The following IGF2BP3 variants were observed in gnomAD, a reference collection of about 807,000 sequenced individuals.
The protein encoded by IGF2BP3 is insulin like growth factor 2 mRNA binding protein 3, also known as insulin-like growth factor 2 mRNA-binding protein 3.
A neutral mutation model predicts 73.8 loss-of-function variants in IGF2BP3; 9 were observed. The observed-to-expected ratio is 0.12, with a 90% CI of 0.07 to 0.21. The LOEUF (loss-of-function observed/expected upper bound fraction) is 0.21. Ranked by LOEUF, IGF2BP3 falls within the 10% of genes least tolerant of loss-of-function variation. The pLI, the probability that IGF2BP3 is intolerant of heterozygous loss-of-function variation, is 1.00. For synonymous variants in IGF2BP3, 258 were observed against 256.7 expected (o/e 1.01, Z -0.05); for missense variants, 542 against 714.0 (o/e 0.76, Z 2.75).
At chr7:23,464,338 T>C (rs1788514864) in intron 2 of IGF2BP3, among the ~76,000 whole-genome samples, 1 of 152,260 alleles carries the variant, frequency 6.6e-6, no homozygotes, top group African/African-American at 2.4e-5. Context: ...CTTTCTTTTT[T>C]GCATTTTCCC....
chr7:23,372,688 C>T (rs1281174984), intron 3 of IGF2BP3, among the ~76,000 whole-genome samples: 1 of 152,214 alleles, frequency 6.6e-6, no homozygotes. Context: ...AGATCCCTAA[C>T]AAGTGCCCTG....
At chr7:23,378,660 G>A (rs186055885) in intron 3 of IGF2BP3, among the ~76,000 whole-genome samples, 13 of 134,178 alleles carry the variant, frequency 9.7e-5, no homozygotes, top group East Asian at 7.3e-4. Context: ...TGCCACCTCC[G>A]CCTCCCAGGT....
intron 2 of IGF2BP3, among the ~76,000 whole-genome samples, chr7:23,419,057 C>G (rs1009677234): frequency 3.3e-5 from 5 of 152,124 alleles, no homozygotes; most frequent in Non-Finnish European, 7.4e-5. Flanking sequence ...ATTTTAAAAG[C>G]CACTAAAATT....
At position 23,343,747 on chromosome 7, in the gene IGF2BP3, A is replaced by T; in HGVS notation, c.1048T>A (p.Ser350Thr). The T allele has an allele frequency of 6.2e-7, 1 of 1,612,040 alleles. No homozygotes were observed. The highest frequency in any genetic ancestry group is 8.5e-7 in the Non-Finnish European group (1 of 1,179,462). The change falls in exon 9 of 15, where the codon TCT becomes ACT. Residue 350 changes from serine to threonine, a missense_variant. Around this residue, in one of 2 missense-constraint regions of IGF2BP3, gnomAD observed 303 missense variants for 472.1 expected, o/e 0.64. Transcript: ENST00000258729. Reference protein sequence around the residue: ...EEEIMKKIRESYENDIASMNL... With the variant: ...EEEIMKKIRETYENDIASMNL... Reference sequence around the variant, plus strand: ...ATAGAAGCAATATCATTTTCATAAGACTCCCTGATTTTCTTCATGATCTCC... The same window carrying T: ...ATAGAAGCAATATCATTTTCATAAGTCTCCCTGATTTTCTTCATGATCTCC...
Sources: gnomAD v4.1 joint callset for allele counts (sites outside exome capture counted in the v4.1 genomes callset) on GRCh38, gnomAD v4.1.1 for gene constraint, gnomAD v4.1.1 regional missense constraint, MANE v1.5 for transcripts, NCBI Gene and HGNC (gene_info 2026-07-23, HGNC 2026-07-21) for gene names.